ANO3: variants seen among roughly 807,000 people sequenced by gnomAD.
ANO3 encodes the protein anoctamin-3.
Under a neutral mutation model 144.8 loss-of-function variants are expected in ANO3, and 99 were observed. The ratio of observed to expected loss-of-function variants is 0.68; its 90% CI spans 0.58 to 0.81. The LOEUF (loss-of-function observed/expected upper bound fraction) is 0.81, where lower values mean the gene tolerates loss of function less well. Among genes scored for constraint, ANO3 ranks in the 30% least tolerant of loss-of-function variants. The pLI is 0.00. For synonymous variants in ANO3, 414 were observed against 392.6 expected, an observed-to-expected ratio of 1.05 and a Z score of -0.64; for missense variants, 905 against 1,202.2, an observed-to-expected ratio of 0.75 and a Z score of 3.66.
In ANO3 at chr11:26,660,590, G is replaced by T; in HGVS notation, c.*146G>T. ...TTGGAAATGTATCACAGCCATCTCT[G>T]GGATTTGAAATATCCAGACTTGTAG... On this transcript the variant is annotated 3_prime_UTR_variant, in exon 27 of 27. Coordinates refer to ENST00000256737, the MANE Select transcript of ANO3 (RefSeq NM_031418.4). 2.9e-6 allele frequency: 2 copies of T among 692,816 alleles called. No individual in the cohort carries two copies. The highest frequency in any genetic ancestry group is 4.7e-5 in the South Asian group (2 of 42,936). 42.9% of individuals were successfully genotyped at this position (692,816 alleles called of 1,614,324 possible). A position where few individuals can be genotyped will look rare whatever the true frequency, so the allele number is the denominator to read the frequency against.
At chr11:26,441,669 C>A (rs1858526643) in intron 1 of ANO3, among the ~76,000 whole-genome samples, 1 of 152,046 alleles carries the variant, frequency 6.6e-6, no homozygotes, top group South Asian at 2.1e-4. Flanking sequence ...TCTTTTTTCA[C>A]AGAACTTTTA....
chr11:26,356,783 T>C (rs1855796344), intron 1 of ANO3, among the ~76,000 whole-genome samples: 1 of 152,202 alleles, frequency 6.6e-6, no homozygotes, highest in Non-Finnish European at 1.5e-5. Flanking sequence ...GAATCCATTT[T>C]CCTGCCTTTT....
intron 18 of ANO3, among the ~76,000 whole-genome samples, chr11:26,631,325 G>A (rs1852772056): frequency 6.6e-6 from 1 of 150,766 alleles, no homozygotes; most frequent in Non-Finnish European, 1.5e-5. Flanking sequence ...TTATTTTATT[G>A]TTTTTGTAGC....
chr11:26,564,729 AC>A, intron 14 of ANO3, among the ~76,000 whole-genome samples: 1 of 28,638 alleles, frequency 3.5e-5, no homozygotes, highest in Non-Finnish European at 6.9e-5. Context: ...ACACACACAC[AC>A]ACATATATAT....
intron 1 of ANO3, among the ~76,000 whole-genome samples, chr11:26,401,174 A>G (rs1440363071): frequency 6.6e-6 from 1 of 152,050 alleles, no homozygotes; most frequent in Non-Finnish European, 1.5e-5. Flanking sequence ...GCATACCCCC[A>G]TGGACAGGAA....
upstream of ANO3, among the ~76,000 whole-genome samples, chr11:26,307,755 A>AATAATG (rs1854416981): frequency 6.7e-6 from 1 of 149,074 alleles, no homozygotes; most frequent in East Asian, 2.0e-4. Context: ...TAATAATAAT[A>AATAATG]ATAACAATTT....
At chr11:26,263,555 C>G (rs897511851) in intron 1 of ANO3, among the ~76,000 whole-genome samples, 1 of 152,214 alleles carries the variant, frequency 6.6e-6, no homozygotes, top group Non-Finnish European at 1.5e-5. Context: ...TCTGCTTTTC[C>G]ACAGCCTCAG....
At chr11:26,628,495 G>C (rs571044013) in intron 18 of ANO3, among the ~76,000 whole-genome samples, 2 of 152,232 alleles carry the variant, frequency 1.3e-5, no homozygotes, top group Admixed American at 6.5e-5. Flanking sequence ...TTAGTGTTGA[G>C]GATTTGATTC....
chr11:26,249,049 C>T (rs1034801363), intron 1 of ANO3, among the ~76,000 whole-genome samples: 5 of 152,066 alleles, frequency 3.3e-5, no homozygotes, highest in Non-Finnish European at 4.4e-5. Flanking sequence ...TGGAGACTGT[C>T]GCTTTAGATG....
At chr11:26,536,887 A>AT (rs1361498047) in intron 9 of ANO3, among the ~76,000 whole-genome samples, 2 of 152,008 alleles carry the variant, frequency 1.3e-5, no homozygotes, top group African/African-American at 4.8e-5. Flanking sequence ...GAGAGTGTCC[A>AT]TTTCACTCTA....
intron 14 of ANO3, chr11:26,565,523 C>G (rs778555157): frequency 6.2e-7 from 1 of 1,613,232 alleles, no homozygotes; most frequent in Non-Finnish European, 8.5e-7. Flanking sequence ...AGCTATGGAT[C>G]AAGGGAGGGC....
At chr11:26,361,040 G>T (rs1314404650) in intron 1 of ANO3, among the ~76,000 whole-genome samples, 1 of 152,096 alleles carries the variant, frequency 6.6e-6, no homozygotes. Flanking sequence ...TTTATACTCA[G>T]CATGTGACAA....
At chr11:26,478,532 C>T (rs1459247642) in intron 4 of ANO3, among the ~76,000 whole-genome samples, 1 of 152,046 alleles carries the variant, frequency 6.6e-6, no homozygotes, top group Non-Finnish European at 1.5e-5. Flanking sequence ...CAGTAATGGA[C>T]AAATTTCCCA....
At chr11:26,530,459 G>GTCTA (rs543380394) in intron 7 of ANO3, among the ~76,000 whole-genome samples, 11,930 of 123,934 alleles carry the variant, frequency 0.096, 717 homozygotes, top group African/African-American at 0.19. Flanking sequence ...CTATCTGTCT[G>GTCTA]TCTATCTATC....
At chr11:26,447,276 C>T (rs1469742094) in intron 3 of ANO3, among the ~76,000 whole-genome samples, 1 of 140,352 alleles carries the variant, frequency 7.1e-6, no homozygotes, top group Non-Finnish European at 1.5e-5. Context: ...GATGGATAAA[C>T]AATAATTTAC....
intron 1 of ANO3, among the ~76,000 whole-genome samples, chr11:26,367,874 G>C (rs995069282): frequency 6.6e-6 from 1 of 152,152 alleles, no homozygotes; most frequent in Admixed American, 6.5e-5. Context: ...GCAGGTGGAA[G>C]CACCACACTT....
intron 14 of ANO3, among the ~76,000 whole-genome samples, chr11:26,574,342 A>C (rs1181517096): frequency 6.6e-6 from 1 of 152,142 alleles, no homozygotes; most frequent in Non-Finnish European, 1.5e-5. Flanking sequence ...ACTTCAAACT[A>C]ATTGAAAACA....
intron 1 of ANO3, among the ~76,000 whole-genome samples, chr11:26,437,360 G>T (rs2134017323): frequency 6.6e-6 from 1 of 152,220 alleles, no homozygotes; most frequent in African/African-American, 2.4e-5. Flanking sequence ...GTTCACAAGG[G>T]GATCTTCTAA....
In ANO3 at chr11:26,607,977, G is replaced by A. The variant is rs73434380; in HGVS notation, c.1836+8263G>A. Among the ~76,000 whole-genome samples, 389 of 152,320 alleles carry A rather than the reference G, an allele frequency of 2.6e-3. 2 individuals carry two copies. The highest frequency in any genetic ancestry group is 8.7e-3 in the African/African-American group (361 of 41,566). ...CTTTGTCCAGTTCTGTGCCCTTGCC[G>A]GAGAGGCGTTGCAATCATTTGGAGG... On this transcript the variant is annotated intron_variant, in intron 17 of 26. Coordinates refer to ENST00000256737, the MANE Select transcript of ANO3 (RefSeq NM_031418.4).
Sources: gnomAD v4.1 joint callset for allele counts (sites outside exome capture counted in the v4.1 genomes callset) on GRCh38, gnomAD v4.1.1 for gene constraint, MANE v1.5 for transcripts, NCBI Gene and HGNC (gene_info 2026-07-23, HGNC 2026-07-21) for gene names.